The following ARHGAP24 variants were observed in gnomAD, a reference collection of about 807,000 sequenced individuals.
ARHGAP24 encodes Rho GTPase activating protein 24, also known as rho GTPase-activating protein 24.
Under a neutral mutation model 76.4 loss-of-function variants are expected in ARHGAP24, and 50 were observed. The ratio of observed to expected loss-of-function variants is 0.65; its 90% CI spans 0.52 to 0.83. The LOEUF (loss-of-function observed/expected upper bound fraction) is 0.83, where lower values mean the gene tolerates loss of function less well. Ranked by LOEUF, ARHGAP24 falls within the 40% of genes least tolerant of loss-of-function variation. The probability of loss-of-function intolerance (pLI) is 0.00; values close to 1 mark genes in which losing one functional copy is unlikely to be tolerated. For missense variants in ARHGAP24, 930 were observed against 914.2 expected, an observed-to-expected ratio of 1.02 and a Z score of -0.22; for synonymous variants, 345 against 323.3, an observed-to-expected ratio of 1.07 and a Z score of -0.72.
chr4:85,749,570 GTTGTTT>G (rs1412569066), intron 3 of ARHGAP24, among the ~76,000 whole-genome samples: 4 of 152,032 alleles, frequency 2.6e-5, no homozygotes, highest in African/African-American at 9.7e-5. Context: ...TATTGTTGTT[GTTGTTT>G]GTTTTGTTTT....
chr4:85,703,902 A>C (rs960034810), intron 2 of ARHGAP24, among the ~76,000 whole-genome samples: 4 of 152,038 alleles, frequency 2.6e-5, no homozygotes, highest in African/African-American at 4.8e-5. Flanking sequence ...TGCTACCCCC[A>C]AAAAAATCCC....
chr4:85,563,943 T>C (rs1726699575), intron 1 of ARHGAP24, among the ~76,000 whole-genome samples: 1 of 152,170 alleles, frequency 6.6e-6, no homozygotes. Context: ...AGGTTCTAAA[T>C]CAGGTACACA....
At chr4:85,614,648 A>G (rs1209741680) in intron 2 of ARHGAP24, among the ~76,000 whole-genome samples, 1 of 152,138 alleles carries the variant, frequency 6.6e-6, no homozygotes, top group Admixed American at 6.5e-5. Context: ...GGCTGGATTT[A>G]AATGGCTCTG....
At chr4:85,916,107 C>T (rs1735370608) in intron 3 of ARHGAP24, among the ~76,000 whole-genome samples, 1 of 152,106 alleles carries the variant, frequency 6.6e-6, no homozygotes, top group South Asian at 2.1e-4. Flanking sequence ...TTAATGATCG[C>T]CATTCTAACT....
chr4:85,745,034 T>C (rs1578191501), intron 3 of ARHGAP24, among the ~76,000 whole-genome samples: 1 of 152,142 alleles, frequency 6.6e-6, no homozygotes, highest in Admixed American at 6.6e-5. Flanking sequence ...AAACAATGTT[T>C]AAATATGAGT....
At chr4:85,997,483 T>C (rs1291463517) in intron 9 of ARHGAP24, among the ~76,000 whole-genome samples, 1 of 151,852 alleles carries the variant, frequency 6.6e-6, no homozygotes, top group African/African-American at 2.4e-5. Flanking sequence ...CCCACAAGTA[T>C]TGAGGGTGGA....
intron 3 of ARHGAP24, among the ~76,000 whole-genome samples, chr4:85,872,538 C>T (rs551639805): frequency 5.3e-5 from 8 of 150,624 alleles, no homozygotes; most frequent in African/African-American, 1.2e-4. Context: ...TCAGGTGATC[C>T]GTCCACCTCG....
intron 1 of ARHGAP24, among the ~76,000 whole-genome samples, chr4:85,519,276 G>T (rs1171381148): frequency 6.6e-6 from 1 of 152,046 alleles, no homozygotes; most frequent in African/African-American, 2.4e-5. Flanking sequence ...TCATCCAGGT[G>T]CCATTGTTCT....
At chr4:85,597,802 TAA>T (rs996283899) in intron 2 of ARHGAP24, among the ~76,000 whole-genome samples, 1 of 152,082 alleles carries the variant, frequency 6.6e-6, no homozygotes, top group Non-Finnish European at 1.5e-5. Context: ...TAGAGAATCT[TAA>T]AGAGTATGTG....
chr4:85,476,981 C>T (rs1405024068), intron 1 of ARHGAP24, among the ~76,000 whole-genome samples: 1 of 152,136 alleles, frequency 6.6e-6, no homozygotes, highest in Non-Finnish European at 1.5e-5. Context: ...CTCTCTAGAG[C>T]CATTACTTAG....
At chr4:85,642,813 C>T (rs1304273629) in intron 2 of ARHGAP24, among the ~76,000 whole-genome samples, 2 of 152,152 alleles carry the variant, frequency 1.3e-5, no homozygotes, top group African/African-American at 2.4e-5. Flanking sequence ...TCTTGTAAAA[C>T]TTGTCAGATC....
At chr4:85,666,171 G>T (rs1269040681) in intron 2 of ARHGAP24, among the ~76,000 whole-genome samples, 1 of 152,098 alleles carries the variant, frequency 6.6e-6, no homozygotes, top group African/African-American at 2.4e-5. Flanking sequence ...TGTAGATTTG[G>T]TCTTTTCACA....
chr4:85,579,292 C>G (rs890258983), intron 2 of ARHGAP24, among the ~76,000 whole-genome samples: 2 of 152,118 alleles, frequency 1.3e-5, no homozygotes, highest in Non-Finnish European at 2.9e-5. Flanking sequence ...CATATTCAGA[C>G]TATCTCATGT....
chr4:85,955,795 A>G (rs1433934913), intron 5 of ARHGAP24, among the ~76,000 whole-genome samples: 1 of 152,236 alleles, frequency 6.6e-6, no homozygotes, highest in Non-Finnish European at 1.5e-5. Context: ...GCAACATATC[A>G]GTTCTGACTG....
intron 3 of ARHGAP24, among the ~76,000 whole-genome samples, chr4:85,746,940 A>C (rs1366100887): frequency 6.6e-6 from 1 of 152,130 alleles, no homozygotes; most frequent in Non-Finnish European, 1.5e-5. Context: ...GGAGTGAGCC[A>C]CCGCACCCAG....
intron 1 of ARHGAP24, among the ~76,000 whole-genome samples, chr4:85,483,037 A>G (rs1341292721): frequency 6.6e-6 from 1 of 152,174 alleles, no homozygotes; most frequent in East Asian, 1.9e-4. Context: ...CTCTCCTTAT[A>G]TATGGGCATT....
chr4:85,707,135 C>T lies in ARHGAP24; in HGVS notation c.181-14750C>T, dbSNP rs117375384. On this transcript the variant is annotated intron_variant, in intron 2 of 9. Coordinates refer to ENST00000395184, the MANE Select transcript of ARHGAP24 (RefSeq NM_001025616.3). ...TCTTGCTATATTGCCCTTGCTGTTA[C>T]CTCCTGGTGCCAAAAAATCCTCTCA... 3.3e-5 allele frequency among the ~76,000 whole-genome samples: 5 copies of T among 152,246 alleles called. No homozygotes were observed. The East Asian group carries it at 9.7e-4, about 29-fold the overall frequency.
At chr4:85,746,303 A>G (rs940447319) in intron 3 of ARHGAP24, among the ~76,000 whole-genome samples, 5 of 152,208 alleles carry the variant, frequency 3.3e-5, no homozygotes, top group African/African-American at 9.7e-5. Flanking sequence ...AAATTGTGCT[A>G]TGCAGCCCTC....
rs149415202 is a variant in ARHGAP24, at chr4:85,570,708, A to G, written c.167A>G (p.Glu56Gly). The change falls in exon 2 of 10, where the codon GAA becomes GGA. Residue 56 changes from glutamate (E) to glycine (G), a missense_variant. By Grantham distance (98) the Glu-to-Gly change is moderately conservative. Transcript: ENST00000395184. ...CTCTATTATTTCAAAGATGAAGATGAAACCAAGCCCTTGGTGAGTAGGAGA... is the reference window on the plus strand; with the variant it reads ...CTCTATTATTTCAAAGATGAAGATGGAACCAAGCCCTTGGTGAGTAGGAGA... ...DQLYYFKDED[E>G]TKPLGTIFLP... is the part of the protein sequence containing the mutation. The G allele has an allele frequency of 2.5e-4, 406 of 1,613,990 alleles. 1 individual carries two copies. The highest frequency in any genetic ancestry group is 9.8e-4 in the Admixed American group (59 of 60,000).
Sources: allele counts gnomAD v4.1 joint callset (sites outside exome capture counted in the v4.1 genomes callset), GRCh38; gene constraint gnomAD v4.1.1; transcripts MANE v1.5; gene names NCBI Gene and HGNC (gene_info 2026-07-23, HGNC 2026-07-21).